GNB1L: variants seen among roughly 807,000 people sequenced by gnomAD.
GNB1L encodes the protein guanine nucleotide-binding protein subunit beta-like protein 1.
Under a neutral mutation model 29.1 loss-of-function variants are expected in GNB1L, and 20 were observed. The ratio of observed to expected loss-of-function variants is 0.69; its 90% CI spans 0.48 to 1.00. The LOEUF is 1.00. GNB1L is among the 50% of genes least tolerant of loss of function. GNB1L has a pLI of 0.00. For synonymous variants in GNB1L, 193 were observed against 206.5 expected (o/e 0.93, Z 0.56); for missense variants, 421 against 464.9 (o/e 0.91, Z 0.87).
rs752709181 is a variant in GNB1L, at chr22:19,812,399, C to T, written c.303G>A (p.Arg101=). The change falls in exon 5 of 8, where the codon AGG becomes AGA. Residue 101 remains arginine, a synonymous_variant. Transcript: ENST00000329517. ...KLCLWDLAEG[R]SAVVDSVCLE... is the part of the protein sequence containing the mutation. ...AGCACACGGAGTCCACGACAGCGCT[C>T]CTGCCCTCCGCGAGGTCCCACAGGC... The T allele has an allele frequency of 9.9e-6, 16 of 1,613,352 alleles. No individual in the cohort carries two copies. The highest frequency in any genetic ancestry group is 1.2e-5 in the Non-Finnish European group (14 of 1,179,942).
rs184433288 is a variant in GNB1L at position 19,797,346 on chromosome 22, G to C, written c.732+4655C>G. On this transcript the variant is annotated intron_variant, in intron 7 of 7. Coordinates refer to ENST00000329517, the MANE Select transcript of GNB1L (RefSeq NM_053004.3). The stretch of plus-strand genomic sequence containing the variant: ...GCGGAGCACATGTCACACACGGGAG[G>C]GGGGGTGGGGGTGCAGGCGGTGATT... Among the ~76,000 whole-genome samples the C allele has an allele frequency of 6.1e-4, 93 of 152,220 alleles. 1 individual carries two copies. Among genetic ancestry groups the C allele is most frequent in the Non-Finnish European group, 1.0e-3 (71 of 67,978 alleles).
chr22:19,797,060 A>G (rs1440516177), intron 7 of GNB1L, among the ~76,000 whole-genome samples: 1 of 152,250 alleles, frequency 6.6e-6, no homozygotes, highest in African/African-American at 2.4e-5. Flanking sequence ...TCCCCAAATC[A>G]GGAAACCTAA....
intron 7 of GNB1L, among the ~76,000 whole-genome samples, chr22:19,799,028 A>G (rs1033421324): frequency 1.3e-5 from 2 of 152,212 alleles, no homozygotes; most frequent in Admixed American, 1.3e-4. Flanking sequence ...CAGCTCTGCT[A>G]CTGCCCTCTA....
At chr22:19,798,180 A>C (rs1282019018) in intron 7 of GNB1L, among the ~76,000 whole-genome samples, 1 of 152,148 alleles carries the variant, frequency 6.6e-6, no homozygotes, top group Non-Finnish European at 1.5e-5. Context: ...GGGGCCGTCA[A>C]GTCCAGCACC....
Position 19,788,804 on chromosome 22 carries a change from C to A in GNB1L, c.889G>T (p.Ala297Ser). The change falls in exon 8 of 8, where the codon GCT becomes TCT. Residue 297 changes from alanine (A) to serine (S), a missense_variant. Coordinates refer to ENST00000329517, the MANE Select transcript of GNB1L (RefSeq NM_053004.3). ...GCGGTGAAGGCCACGCACTGGACAG[C>A]GGCGCTGTGGAAGGCCAGCACGGCC... The part of the protein sequence containing the change: ...PLAVLAFHSA[A>S]VQCVAFTADG... The A allele has an allele frequency of 6.2e-7, 1 of 1,612,578 alleles. No homozygotes were observed. Among genetic ancestry groups the A allele is most frequent in the Non-Finnish European group, 8.5e-7 (1 of 1,179,876 alleles).
In GNB1L at chr22:19,809,988, G is replaced by A. The variant is rs557729159; in HGVS notation, c.417+2297C>T. ...TCACTGTGTTGCCCAGGCTGGTCTC[G>A]AACTCCTGGGTTCCTCCTGCTTTGG... On this transcript the variant is annotated intron_variant, in intron 5 of 7. Transcript: ENST00000329517. Among the ~76,000 whole-genome samples, 151 of 152,312 alleles carry A rather than the reference G, an allele frequency of 9.9e-4. 1 individual carries two copies. Among genetic ancestry groups the A allele is most frequent in the Non-Finnish European group, 1.9e-3 (128 of 68,022 alleles).
intron 2 of GNB1L, among the ~76,000 whole-genome samples, chr22:19,843,298 G>A (rs942564086): frequency 2.0e-5 from 3 of 152,360 alleles, no homozygotes; most frequent in East Asian, 1.9e-4. Context: ...GGCGACCTTC[G>A]ATTCATTGAA....
At chr22:19,846,732 GAC>G (rs1465572456) in intron 2 of GNB1L, 1 of 346,896 alleles carries the variant, frequency 2.9e-6, no homozygotes, top group Non-Finnish European at 4.1e-6. Context: ...GAGAGATTAG[GAC>G]ACAGACACAG....
In GNB1L at chr22:19,788,970, T is replaced by G; in HGVS notation, c.733-10A>C. ...CATGAGTCCCACGCACCTGTGAGAGTTGGGAGAGGTGTTAGGCCACTCCTT... is the reference window on the plus strand; with the variant it reads ...CATGAGTCCCACGCACCTGTGAGAGGTGGGAGAGGTGTTAGGCCACTCCTT... On this transcript the variant is annotated splice_polypyrimidine_tract_variant and intron_variant, in intron 7 of 7. Coordinates refer to ENST00000329517, the MANE Select transcript of GNB1L (RefSeq NM_053004.3). The G allele has an allele frequency of 1.3e-6, 2 of 1,591,582 alleles. No homozygotes were observed. Among genetic ancestry groups the G allele is most frequent in the East Asian group, 2.2e-5 (1 of 44,494 alleles).
chr22:19,837,353 A>G (rs1937783987), intron 2 of GNB1L, among the ~76,000 whole-genome samples: 1 of 152,256 alleles, frequency 6.6e-6, no homozygotes, highest in Non-Finnish European at 1.5e-5. Flanking sequence ...GATAATTTAT[A>G]TACCAAATAT....
intron 7 of GNB1L, among the ~76,000 whole-genome samples, chr22:19,795,801 T>C (rs1937299924): frequency 6.6e-6 from 1 of 152,180 alleles, no homozygotes; most frequent in South Asian, 2.1e-4. Context: ...CCTAGACCCA[T>C]GGCCCAGCAG....
intron 4 of GNB1L, among the ~76,000 whole-genome samples, chr22:19,820,018 T>TCCCTAAGGTGG (rs1569046861): frequency 1.3e-5 from 2 of 152,054 alleles, no homozygotes; most frequent in Non-Finnish European, 2.9e-5. Context: ...TCAGGTGCAT[T>TCCCTAAGGTGG]GTCATAACCT....
intron 2 of GNB1L, chr22:19,847,803 G>GGAAAAAAAAAAAAAAAAAAAAAAAA: frequency 2.3e-6 from 1 of 437,872 alleles, no homozygotes; most frequent in South Asian, 9.5e-5. Flanking sequence ...GGAATCATAG[G>GGAAAAAAAAAAAAAAAAAAAAAAAA]CAAAAAAAAA....
chr22:19,810,712 G>A (rs1259152886), intron 5 of GNB1L, among the ~76,000 whole-genome samples: 1 of 152,282 alleles, frequency 6.6e-6, no homozygotes, highest in East Asian at 1.9e-4. Context: ...AGTGGGGTGG[G>A]AGTGCGGCTC....
intron 2 of GNB1L, chr22:19,851,244 C>G: frequency 6.2e-7 from 1 of 1,605,152 alleles, no homozygotes; most frequent in Admixed American, 1.7e-5. Flanking sequence ...CCTAAGGACA[C>G]CTCCTGGTCT....
chr22:19,788,899 C>G lies in GNB1L; in HGVS notation c.794G>C (p.Arg265Pro). 2 of 1,612,572 alleles carry G rather than the reference C, an allele frequency of 1.2e-6. No homozygotes were observed. The highest frequency in any genetic ancestry group is 1.7e-6 in the Non-Finnish European group (2 of 1,179,676). The change falls in exon 8 of 8, where the codon CGC (arginine) becomes CCC (proline). Residue 265 changes from arginine (R) to proline (P), a missense_variant. Coordinates refer to ENST00000329517, the MANE Select transcript of GNB1L (RefSeq NM_053004.3). Reference protein sequence around the residue: ...GIAEVTIRPDRKILATAGWDH... With the variant: ...GIAEVTIRPDPKILATAGWDH... ...CCAGCCTGCGGTGGCCAGGATCTTG[C>G]GATCTGGCCGGATCGTGACCTCGGC...
At chr22:19,840,362 A>G (rs574983261) in intron 2 of GNB1L, among the ~76,000 whole-genome samples, 1 of 152,370 alleles carries the variant, frequency 6.6e-6, no homozygotes, top group East Asian at 1.9e-4. Flanking sequence ...TGGGTTATGC[A>G]GTGACTCCCT....
At chr22:19,795,662 A>G (rs1937298323) in intron 7 of GNB1L, among the ~76,000 whole-genome samples, 1 of 152,274 alleles carries the variant, frequency 6.6e-6, no homozygotes, top group African/African-American at 2.4e-5. Flanking sequence ...TACAGATCAA[A>G]GAGAAAATCA....
intron 2 of GNB1L, among the ~76,000 whole-genome samples, chr22:19,844,967 C>G (rs922197848): frequency 6.6e-6 from 1 of 152,220 alleles, no homozygotes; most frequent in Non-Finnish European, 1.5e-5. Context: ...GGATGGGGAC[C>G]AATCCCCTGG....
Sources: allele counts gnomAD v4.1 joint callset (sites outside exome capture counted in the v4.1 genomes callset), GRCh38; gene constraint gnomAD v4.1.1; transcripts MANE v1.5; gene names NCBI Gene and HGNC (gene_info 2026-07-23, HGNC 2026-07-21).